The following ERCC6L2 variants were observed in gnomAD, a reference collection of about 807,000 sequenced individuals.
The protein encoded by ERCC6L2 is DNA excision repair protein ERCC-6-like 2.
A neutral mutation model predicts 132.0 loss-of-function variants in ERCC6L2; 77 were observed. The ratio of observed to expected loss-of-function variants is 0.58; its 90% CI spans 0.49 to 0.71. ERCC6L2 has a LOEUF of 0.71. Among genes scored for constraint, ERCC6L2 ranks in the 30% least tolerant of loss-of-function variants. The pLI, the probability that ERCC6L2 is intolerant of heterozygous loss-of-function variation, is 0.00. For missense variants in ERCC6L2, 1,542 were observed against 1,837.6 expected (o/e 0.84, Z 2.94); for synonymous variants, 583 against 632.4 (o/e 0.92, Z 1.17).
chr9:95,948,308 A>C (rs1337638049), intron 12 of ERCC6L2, among the ~76,000 whole-genome samples: 3 of 152,210 alleles, frequency 2.0e-5, no homozygotes, highest in Non-Finnish European at 2.9e-5. Flanking sequence ...AGAGAACTAG[A>C]ATTAGAAACA....
intron 9 of ERCC6L2, among the ~76,000 whole-genome samples, chr9:95,925,620 A>G (rs1431435345): frequency 6.6e-6 from 1 of 152,170 alleles, no homozygotes; most frequent in Non-Finnish European, 1.5e-5. Flanking sequence ...AGTCTCTTTA[A>G]ACTAGCCTAA....
intron 17 of ERCC6L2, among the ~76,000 whole-genome samples, chr9:95,999,292 C>T (rs1306701211): frequency 6.6e-6 from 1 of 151,608 alleles, no homozygotes; most frequent in African/African-American, 2.4e-5. Flanking sequence ...ACCCAGGAGG[C>T]GGAGCTTGCA....
intron 7 of ERCC6L2, among the ~76,000 whole-genome samples, chr9:95,922,035 C>T (rs538623416): frequency 6.6e-6 from 1 of 152,280 alleles, no homozygotes; most frequent in South Asian, 2.1e-4. Flanking sequence ...AGCAACATTT[C>T]CATCACTGTG....
intron 17 of ERCC6L2, among the ~76,000 whole-genome samples, chr9:95,993,675 C>A (rs1287460345): frequency 2.6e-5 from 4 of 152,134 alleles, no homozygotes; most frequent in South Asian, 2.1e-4. Context: ...TTCCATTATT[C>A]TTGAAATAAA....
intron 6 of ERCC6L2, 139 bp downstream of exon 6, chr9:95,916,573 A>G (rs947130855): frequency 1.6e-6 from 1 of 609,954 alleles, no homozygotes; most frequent in Non-Finnish European, 2.7e-6. Context: ...TGTTGCGCGC[A>G]GAATTTCAGA....
In ERCC6L2 at chr9:95,899,891, C is replaced by T. The variant is rs142998148; in HGVS notation, c.594+1920C>T. ...ATTGTTTAGGAAATAATGACAAGGT[C>T]TGCGTACATGTTTAGTGCAGATGGA... On this transcript the variant is annotated intron_variant, in intron 3 of 18. Coordinates refer to ENST00000653738, the MANE Select transcript of ERCC6L2 (RefSeq NM_020207.7). Among the ~76,000 whole-genome samples the T allele has an allele frequency of 4.8e-3, 736 of 152,256 alleles. 6 individuals carry two copies. The highest frequency in any genetic ancestry group is 0.016 in the African/African-American group (662 of 41,520).
intron 17 of ERCC6L2, among the ~76,000 whole-genome samples, chr9:95,999,351 ACT>A (rs1833578111): frequency 6.9e-6 from 1 of 144,508 alleles, no homozygotes. Context: ...AGAGAGTGAG[ACT>A]CTGTCTCAAA....
intron 14 of ERCC6L2, among the ~76,000 whole-genome samples, chr9:95,969,830 G>A (rs989095110): frequency 1.3e-5 from 2 of 152,124 alleles, no homozygotes; most frequent in African/African-American, 2.4e-5. Flanking sequence ...TAGTGTGTCT[G>A]TATTCTTAAG....
chr9:96,041,008 G>A (rs193179145), intron 20 of ERCC6L2, among the ~76,000 whole-genome samples: 10 of 152,264 alleles, frequency 6.6e-5, no homozygotes, highest in African/African-American at 2.2e-4. Flanking sequence ...TCTGGATGCC[G>A]CTGTAAACAA....
intron 3 of ERCC6L2, among the ~76,000 whole-genome samples, chr9:95,899,303 T>C (rs1828632333): frequency 6.6e-6 from 1 of 151,768 alleles, no homozygotes; most frequent in Non-Finnish European, 1.5e-5. Flanking sequence ...TACAGAAAAT[T>C]AGTCAGGTGT....
chr9:95,877,093 A>G (rs1408640396), intron 1 of ERCC6L2: 1 of 152,226 alleles, frequency 6.6e-6, no homozygotes, highest in Non-Finnish European at 1.5e-5. Flanking sequence ...GAGAGACCCT[A>G]TCACCAGAAT....
intron 12 of ERCC6L2, among the ~76,000 whole-genome samples, chr9:95,953,119 T>C (rs1426567970): frequency 6.6e-6 from 1 of 152,174 alleles, no homozygotes. Flanking sequence ...AGTTTCAGTT[T>C]GGAAAGTGCC....
intron 19 of ERCC6L2, among the ~76,000 whole-genome samples, chr9:96,028,521 C>T (rs1465646774): frequency 6.6e-6 from 1 of 152,166 alleles, no homozygotes; most frequent in Non-Finnish European, 1.5e-5. Context: ...AGGTAGGAAC[C>T]CTGCTCTAGG....
downstream of ERCC6L2, among the ~76,000 whole-genome samples, chr9:96,019,369 G>A (rs550087702): frequency 6.6e-5 from 10 of 152,022 alleles, no homozygotes; most frequent in South Asian, 2.1e-4. Flanking sequence ...CCCAGCACCC[G>A]CATTGTGCTC....
chr9:95,946,095 G>A (rs1831050501), intron 12 of ERCC6L2, among the ~76,000 whole-genome samples: 1 of 152,012 alleles, frequency 6.6e-6, no homozygotes, highest in Admixed American at 6.6e-5. Context: ...CAAGACAAAA[G>A]GCATTAAGCA....
chr9:96,025,178 G>A (rs1834344120), intron 19 of ERCC6L2, among the ~76,000 whole-genome samples: 1 of 152,284 alleles, frequency 6.6e-6, no homozygotes, highest in Non-Finnish European at 1.5e-5. Context: ...TGGATGTCAG[G>A]CTGGTTTCAG....
chr9:95,966,585 A>C lies in ERCC6L2; in HGVS notation c.1971A>C (p.Gly657=). 1.3e-6 allele frequency: 2 copies of C among 1,520,578 alleles called. No individual in the cohort carries two copies. The highest frequency in any genetic ancestry group is 1.8e-6 in the Non-Finnish European group (2 of 1,117,540). The allele number at this position is 1,520,578 out of a possible 1,614,324, so 94.2% of individuals were successfully genotyped here. ...YKQQLHCVVV[G]SENAKRYFEA... ...AGCAACTTCACTGTGTGGTGGTTGG[A>C]AGTGAAAATGCCAAACGATATTTTG... The change falls in exon 14 of 19, where the codon GGA becomes GGC. Residue 657 remains glycine (G), a synonymous_variant. Coordinates refer to ENST00000653738, the MANE Select transcript of ERCC6L2 (RefSeq NM_020207.7).
intron 19 of ERCC6L2, among the ~76,000 whole-genome samples, chr9:96,032,942 C>G (rs1200951903): frequency 6.6e-6 from 1 of 152,124 alleles, no homozygotes; most frequent in Non-Finnish European, 1.5e-5. Flanking sequence ...GAGGCATGGC[C>G]CAGACTCGTT....
At chr9:95,891,727 A>G (rs1828177630) in intron 2 of ERCC6L2, among the ~76,000 whole-genome samples, 1 of 151,790 alleles carries the variant, frequency 6.6e-6, no homozygotes, top group Non-Finnish European at 1.5e-5. Flanking sequence ...GGTTTTCTTC[A>G]TTATAGCCAT....
Sources: allele counts gnomAD v4.1 joint callset (sites outside exome capture counted in the v4.1 genomes callset), GRCh38; gene constraint gnomAD v4.1.1; transcripts MANE v1.5; gene names NCBI Gene and HGNC (gene_info 2026-07-23, HGNC 2026-07-21).